The following SPATA31F1 variants were observed in gnomAD, a reference collection of about 807,000 sequenced individuals.
SPATA31F1 encodes protein SPATA31F1.
chr9:34,729,028 G>A, the SPATA31F1 span, among the ~76,000 whole-genome samples: 5 of 152,190 alleles, frequency 3.3e-5, no homozygotes, highest in Admixed American at 6.5e-5. Context: ...GAGAGCTTCC[G>A]AGATCCAGCA....
At chr9:34,727,066 T>C in the SPATA31F1 span, 6 of 1,485,828 alleles carry the variant, frequency 4.0e-6, no homozygotes, top group Non-Finnish European at 4.5e-6. Flanking sequence ...GAGTGGGCAC[T>C]CTCCTTTCCC....
At chr9:34,728,964 A>G in the SPATA31F1 span, among the ~76,000 whole-genome samples, 3 of 152,200 alleles carry the variant, frequency 2.0e-5, no homozygotes, top group South Asian at 6.2e-4. Context: ...GGTTCTAACA[A>G]CCAAAGGACT....
the SPATA31F1 span, chr9:34,723,182 A>G: frequency 2.3e-4 from 347 of 1,518,698 alleles, 2 homozygotes; most frequent in Middle Eastern, 7.2e-4. Flanking sequence ...ATGGCTCTGC[A>G]TGTTCTCCTT....
At chr9:34,724,855 C>T in the SPATA31F1 span, 20 of 1,546,538 alleles carry the variant, frequency 1.3e-5, no homozygotes, top group Middle Eastern at 5.0e-4. Context: ...CCCTGGGGAG[C>T]GCCACATAAT....
the SPATA31F1 span, chr9:34,728,489 G>T: frequency 1.1e-6 from 1 of 902,152 alleles, no homozygotes; most frequent in Non-Finnish European, 1.7e-6. Context: ...ATTTCAGTCT[G>T]GGGAACTGGA....
the SPATA31F1 span, chr9:34,726,456 A>G: frequency 6.4e-7 from 1 of 1,551,328 alleles, no homozygotes; most frequent in Non-Finnish European, 8.7e-7. Context: ...GGGTTCAGGG[A>G]CAGCAAGGAG....
At chr9:34,728,491 G>C in the SPATA31F1 span, 1 of 923,736 alleles carries the variant, frequency 1.1e-6, no homozygotes, top group African/African-American at 1.7e-5. Context: ...TTCAGTCTGG[G>C]GAACTGGAGT....
At chr9:34,724,366 C>A in the SPATA31F1 span, 137 of 1,550,668 alleles carry the variant, frequency 8.8e-5, no homozygotes, top group Non-Finnish European at 1.2e-4. Flanking sequence ...TAAGGTGAAC[C>A]CCTTCTGGAT....
the SPATA31F1 span, chr9:34,725,657 T>C: frequency 6.5e-7 from 1 of 1,538,400 alleles, no homozygotes; most frequent in Non-Finnish European, 8.8e-7. Context: ...GAGTTGCCTC[T>C]GTAGCAGGTG....
At chr9:34,727,805 T>C in the SPATA31F1 span, among the ~76,000 whole-genome samples, 7 of 152,348 alleles carry the variant, frequency 4.6e-5, no homozygotes, top group South Asian at 8.3e-4. Flanking sequence ...GTAGAACTGC[T>C]GTTACCCTAG....
At chr9:34,727,122 C>G in the SPATA31F1 span, 1 of 1,419,646 alleles carries the variant, frequency 7.0e-7, no homozygotes, top group Admixed American at 2.8e-5. Flanking sequence ...GTCTACCTGT[C>G]TGCTTTCCTT....
At chr9:34,727,907 T>C in the SPATA31F1 span, 1 of 947,378 alleles carries the variant, frequency 1.1e-6, no homozygotes, top group Non-Finnish European at 1.5e-6. Flanking sequence ...CTGCTTCCAC[T>C]GTGTATGTCT....
the SPATA31F1 span, chr9:34,729,345 A>G: frequency 6.4e-7 from 1 of 1,551,930 alleles, no homozygotes; most frequent in South Asian, 1.2e-5. Context: ...CACTTGCCAG[A>G]TAATTACAAT....
At chr9:34,728,510 G>T in the SPATA31F1 span, 2 of 1,171,016 alleles carry the variant, frequency 1.7e-6, no homozygotes, top group Non-Finnish European at 2.5e-6. Flanking sequence ...GTCTTCAGTG[G>T]CAGAGCACCT....
At chr9:34,727,819 A>G in the SPATA31F1 span, among the ~76,000 whole-genome samples, 1 of 152,230 alleles carries the variant, frequency 6.6e-6, no homozygotes, top group Admixed American at 6.5e-5. Flanking sequence ...ACCCTAGCAC[A>G]GAACTGAACT....
the SPATA31F1 span, chr9:34,725,764 G>A: frequency 5.8e-6 from 9 of 1,549,812 alleles, no homozygotes; most frequent in South Asian, 1.1e-4. Context: ...GGGAAAGTGG[G>A]GAAGAGGGTG....
chr9:34,723,886 C>T, the SPATA31F1 span: 41 of 1,551,492 alleles, frequency 2.6e-5, no homozygotes, highest in Non-Finnish European at 3.5e-5. Context: ...GGAGCTTAAG[C>T]TGAGGGTGAT....
At chr9:34,728,786 G>T in the SPATA31F1 span, 1 of 841,638 alleles carries the variant, frequency 1.2e-6, no homozygotes, top group Non-Finnish European at 1.9e-6. Flanking sequence ...CACTCTCCTG[G>T]ACTTCCTTTG....
the SPATA31F1 span, chr9:34,723,245 C>A: frequency 6.4e-7 from 1 of 1,551,478 alleles, no homozygotes; most frequent in Non-Finnish European, 8.7e-7. Context: ...GGTTGGGTGC[C>A]CTGGTTTGTT....
Sources: allele counts gnomAD v4.1 joint callset (sites outside exome capture counted in the v4.1 genomes callset), GRCh38; gene constraint gnomAD v4.1.1; transcripts MANE v1.5; gene names NCBI Gene and HGNC (gene_info 2026-07-23, HGNC 2026-07-21).